Variants in ELOVL1 observed in about 807,000 individuals in gnomAD.
ELOVL1 encodes very long chain fatty acid elongase 1.
A neutral mutation model predicts 37.8 loss-of-function variants in ELOVL1; 10 were observed. The ratio of observed to expected loss-of-function variants is 0.26; its 90% CI spans 0.16 to 0.45. The LOEUF (loss-of-function observed/expected upper bound fraction) is 0.45. Among genes scored for constraint, ELOVL1 ranks in the 20% least tolerant of loss-of-function variants. The probability of loss-of-function intolerance (pLI) is 1.00; values close to 1 mark genes in which losing one functional copy is unlikely to be tolerated. For synonymous variants in ELOVL1, 133 were observed against 123.8 expected (o/e 1.07, Z -0.49); for missense variants, 256 against 352.7 (o/e 0.73, Z 2.20).
rs1236713886 is a variant in ELOVL1 at position 43,365,290 on chromosome 1, G to A, written c.133C>T (p.Leu45Phe). 6.2e-7 allele frequency: 1 copy of A among 1,614,028 alleles called. No homozygotes were observed. Among genetic ancestry groups the A allele is most frequent in the African/African-American group, 1.3e-5 (1 of 74,920 alleles). ...LLTYVYFVLS[L>F]GPRIMANRKP... is the part of the protein sequence containing the mutation. ...CGATTAGCCATGATGCGAGGCCCAA[G>A]TGAGAGAACGAAGTACACGTAGGTC... Residue 45 changes from leucine (L) to phenylalanine (F), a missense_variant, in exon 3 of 8, where the codon CTT (leucine) becomes TTT (phenylalanine). This residue lies in a region of ELOVL1 where 158 missense variants were observed against 189.4 expected (regional missense o/e 0.83). Coordinates refer to ENST00000372458, the MANE Select transcript of ELOVL1 (RefSeq NM_022821.4).
chr1:43,363,928 G>C lies in ELOVL1; in HGVS notation c.828C>G (p.Val276=), dbSNP rs1288480264. 3.1e-6 allele frequency: 5 copies of C among 1,613,198 alleles called. No individual in the cohort carries two copies. The highest frequency in any genetic ancestry group is 4.2e-6 in the Non-Finnish European group (5 of 1,180,052). The change falls in exon 8 of 8, where the codon GTC becomes GTG. Residue 276 remains valine (V), a synonymous_variant. Coordinates refer to ENST00000372458, the MANE Select transcript of ELOVL1 (RefSeq NM_022821.4). ...TAGGCCATGCTTCTCAGTTGGCCTT[G>C]ACCTTGGCAATACCTGGAGCTCCAT... ...QQNGAPGIAK[V]KAN is the part of the protein sequence containing the mutation.
At position 43,363,870 on chromosome 1, in the gene ELOVL1, T is replaced by C. The variant is rs1256800537; in HGVS notation, c.*46A>G. 2 of 1,551,654 alleles carry C rather than the reference T, an allele frequency of 1.3e-6. No individual in the cohort carries two copies. The highest frequency in any genetic ancestry group is 1.7e-5 in the Admixed American group (1 of 59,844). On this transcript the variant is annotated 3_prime_UTR_variant, in exon 8 of 8. Coordinates refer to ENST00000372458, the MANE Select transcript of ELOVL1 (RefSeq NM_022821.4). ...GGCACTGACGGACACTGCCCTAAGG[T>C]GCAGTCCTGAGGCACTTAGGTGGGC...
chr1:43,366,265 C>T (rs1372009390), intron 1 of ELOVL1: 2 of 155,312 alleles, frequency 1.3e-5, no homozygotes, highest in African/African-American at 4.8e-5. Context: ...CTGGGACTCT[C>T]ACCTCCAGCC....
rs1647190838 is a variant in ELOVL1, at chr1:43,363,957, G to T, written c.799C>A (p.Gln267Lys). 6.2e-7 allele frequency: 1 copy of T among 1,613,976 alleles called. No homozygotes were observed. The highest frequency in any genetic ancestry group is 8.5e-7 in the Non-Finnish European group (1 of 1,180,040). ...KGKRLPRALQ[Q>K]NGAPGIAKVK... ...TTGGCAATACCTGGAGCTCCATTTT[G>T]CTGAAGTGCACGGGGCAGCCGCTTG... Residue 267 changes from glutamine (Q) to lysine (K), a missense_variant, in exon 8 of 8, where the codon CAA becomes AAA. This residue lies in a region of ELOVL1 where 59 missense variants were observed against 73.3 expected (regional missense o/e 0.80). Transcript: ENST00000372458.
Position 43,364,029 on chromosome 1 carries a change from A to T in ELOVL1, c.727T>A (p.Phe243Ile), listed in dbSNP as rs1557476095. Reference sequence around the variant, plus strand: ...CAGAAGTTGGAGAACAGCATGAAGAAGATGGTGCCATACATCCAGATGAGG... The same window carrying T: ...CAGAAGTTGGAGAACAGCATGAAGATGATGGTGCCATACATCCAGATGAGG... ...IHLIWMYGTI[F>I]FMLFSNFWYH... The change falls in exon 8 of 8, where the codon TTC becomes ATC. Residue 243 changes from phenylalanine to isoleucine, a missense_variant. By Grantham distance (21) the Phe-to-Ile change is conservative. Coordinates refer to ENST00000372458, the MANE Select transcript of ELOVL1 (RefSeq NM_022821.4). This position sits in a 1 kb window ranked among gnomAD's most constrained non-coding sequence, Gnocchi z 5.2. The T allele has an allele frequency of 6.2e-7, 1 of 1,614,202 alleles. No homozygotes were observed.
At chr1:43,365,683 A>G in intron 1 of ELOVL1, 60 bp from the exon 2 acceptor site, 1 of 1,543,096 alleles carries the variant, frequency 6.5e-7, no homozygotes, top group African/African-American at 1.4e-5. Flanking sequence ...CATCCCACAG[A>G]GATAAGACAC....
Position 43,363,413 on chromosome 1 carries a change from T to G in ELOVL1, c.*503A>C, listed in dbSNP as rs1358935751. 2.1e-6 allele frequency: 1 copy of G among 472,070 alleles called. No homozygotes were observed. Among genetic ancestry groups the G allele is most frequent in the Non-Finnish European group, 3.7e-6 (1 of 267,292 alleles). 29.2% of individuals were successfully genotyped at this position (472,070 alleles called of 1,614,324 possible). ...CACACAGCCTCCGTGGTTTCCTCTGTCACTTTTAATTAAGACACAAGTTGA... is the reference window on the plus strand; with the variant it reads ...CACACAGCCTCCGTGGTTTCCTCTGGCACTTTTAATTAAGACACAAGTTGA... On this transcript the variant is annotated 3_prime_UTR_variant, in exon 8 of 8. Transcript: ENST00000372458.
rs1004189336 is a variant in ELOVL1, at chr1:43,364,823, C to T, written c.319-29G>A. On this transcript the variant is annotated intron_variant, in intron 4 of 7. Coordinates refer to ENST00000372458, the MANE Select transcript of ELOVL1 (RefSeq NM_022821.4). The surrounding 1 kb of genome is among the most constrained non-coding windows in gnomAD (Gnocchi z 5.2). Reference sequence around the variant, plus strand: ...CAAGAAGTTGGGATAGCCTTAGGACCTCATACACTATTCTAAGAGCCTCCC... The same window carrying T: ...CAAGAAGTTGGGATAGCCTTAGGACTTCATACACTATTCTAAGAGCCTCCC... The T allele has an allele frequency of 6.2e-7, 1 of 1,614,050 alleles. No individual in the cohort carries two copies. Among genetic ancestry groups the T allele is most frequent in the Admixed American group, 1.7e-5 (1 of 59,998 alleles).
rs1647194177 is a variant in ELOVL1, at chr1:43,364,193, A to G, written c.619-56T>C. 1 of 1,610,062 alleles carries G rather than the reference A, an allele frequency of 6.2e-7. No individual in the cohort carries two copies. Among genetic ancestry groups the G allele is most frequent in the South Asian group, 1.1e-5 (1 of 90,922 alleles). On this transcript the variant is annotated intron_variant, in intron 7 of 7. Coordinates refer to ENST00000372458, the MANE Select transcript of ELOVL1 (RefSeq NM_022821.4). The surrounding 1 kb of genome is among the most constrained non-coding windows in gnomAD (Gnocchi z 5.2). ...AATAGTGAGAGGACTAGAGGGGAAG[A>G]GGGGGTAGAGAAAGAGACAAACGTT...
In ELOVL1 at chr1:43,363,697, G is replaced by C. The variant is rs1418806197; in HGVS notation, c.*219C>G. 5 of 574,972 alleles carry C rather than the reference G, an allele frequency of 8.7e-6. No homozygotes were observed. Among genetic ancestry groups the C allele is most frequent in the Non-Finnish European group, 1.6e-5 (5 of 322,092 alleles). 35.6% of individuals were successfully genotyped at this position (574,972 alleles called of 1,614,324 possible). A position where few individuals can be genotyped will look rare whatever the true frequency, so the allele number is the denominator to read the frequency against. ...GCCCCCAGCTCTGGAGTGGCAGACA[G>C]CAATGAGGCCACATCCCTGGAGCTG... On this transcript the variant is annotated 3_prime_UTR_variant, in exon 8 of 8. Coordinates refer to ENST00000372458, the MANE Select transcript of ELOVL1 (RefSeq NM_022821.4).
Position 43,363,925 on chromosome 1 carries a change from C to T in ELOVL1, c.831G>A (p.Lys277=). The change falls in exon 8 of 8, where the codon AAG becomes AAA. Residue 277 remains lysine, a synonymous_variant. Coordinates refer to ENST00000372458, the MANE Select transcript of ELOVL1 (RefSeq NM_022821.4). The part of the protein sequence containing the change: ...QNGAPGIAKV[K]AN ...ATCTAGGCCATGCTTCTCAGTTGGC[C>T]TTGACCTTGGCAATACCTGGAGCTC... 1 of 1,613,224 alleles carries T rather than the reference C, an allele frequency of 6.2e-7. No homozygotes were observed. Among genetic ancestry groups the T allele is most frequent in the Non-Finnish European group, 8.5e-7 (1 of 1,180,034 alleles).
chr1:43,367,510 C>A (rs1272226681), intron 1 of ELOVL1: 1 of 152,454 alleles, frequency 6.6e-6, no homozygotes, highest in African/African-American at 2.4e-5. Context: ...GGGACCAAGG[C>A]TCCTGGGAGG....
chr1:43,364,931 A>G lies in ELOVL1; in HGVS notation c.315T>C (p.Leu105=). Residue 105 remains leucine, a synonymous_variant, in exon 4 of 8, where the codon CTT becomes CTC. Coordinates refer to ENST00000372458, the MANE Select transcript of ELOVL1 (RefSeq NM_022821.4). This position sits in a 1 kb window ranked among gnomAD's most constrained non-coding sequence, Gnocchi z 5.2. The stretch of plus-strand genomic sequence containing the variant: ...CCTAGCCCCAGCCCCTACTTACCCT[A>G]AGTGCCTCAGGGCTGTTGGAATAGT... ...PVDYSNSPEA[L]RMVRVAWLFL... 1 of 1,613,924 alleles carries G rather than the reference A, an allele frequency of 6.2e-7. No homozygotes were observed. Among genetic ancestry groups the G allele is most frequent in the South Asian group, 1.1e-5 (1 of 91,046 alleles).
chr1:43,367,094 C>T (rs1296037077), intron 1 of ELOVL1: 1 of 152,584 alleles, frequency 6.6e-6, no homozygotes, highest in African/African-American at 2.4e-5. Flanking sequence ...GGTCAGGCCC[C>T]AAGCCTGCGG....
chr1:43,365,831 G>A (rs553020635), intron 1 of ELOVL1, among the ~76,000 whole-genome samples: 15 of 152,046 alleles, frequency 9.9e-5, no homozygotes, highest in Non-Finnish European at 2.2e-4. Flanking sequence ...CCTGGGAAGA[G>A]CTGTTCCACC....
Position 43,364,959 on chromosome 1 carries a change from A to G in ELOVL1, c.287T>C (p.Val96Ala), listed in dbSNP as rs11558089. ...LSTYTWRCDP[V>A]DYSNSPEALR... ...TGCCTCAGGGCTGTTGGAATAGTCC[A>G]CAGGGTCACAGCGCCAGGTATAGGT... The change falls in exon 4 of 8, where the codon GTG (valine) becomes GCG (alanine). Residue 96 changes from valine to alanine, a missense_variant. By Grantham distance (64) the Val-to-Ala change is moderately conservative (BLOSUM62 0). Around this residue, in one of 3 missense-constraint regions of ELOVL1, gnomAD observed 158 missense variants for 189.4 expected, o/e 0.83. Coordinates refer to ENST00000372458, the MANE Select transcript of ELOVL1 (RefSeq NM_022821.4). The surrounding 1 kb of genome is among the most constrained non-coding windows in gnomAD (Gnocchi z 5.2). 1 of 1,614,012 alleles carries G rather than the reference A, an allele frequency of 6.2e-7. No homozygotes were observed. The highest frequency in any genetic ancestry group is 2.2e-5 in the East Asian group (1 of 44,874).
chr1:43,365,276 G>A lies in ELOVL1; in HGVS notation c.147C>T (p.Ile49=), dbSNP rs766301849. 3 of 1,614,050 alleles carry A rather than the reference G, an allele frequency of 1.9e-6. No individual in the cohort carries two copies. The highest frequency in any genetic ancestry group is 1.6e-4 in the Middle Eastern group (1 of 6,084). ...VYFVLSLGPR[I]MANRKPFQLR... is the part of the protein sequence containing the mutation. The stretch of plus-strand genomic sequence containing the variant: ...GCTGGAAGGGCTTCCGATTAGCCAT[G>A]ATGCGAGGCCCAAGTGAGAGAACGA... The change falls in exon 3 of 8, where the codon ATC becomes ATT. Residue 49 remains isoleucine, a synonymous_variant. Transcript: ENST00000372458.
intron 2 of ELOVL1, 32 bp from the exon 3 acceptor site, chr1:43,365,408 G>C (rs1281364493): frequency 6.2e-7 from 1 of 1,609,682 alleles, no homozygotes. Flanking sequence ...ATCAGGAAGA[G>C]TCACAGGGTT....
At position 43,363,467 on chromosome 1, in the gene ELOVL1, A is replaced by C; in HGVS notation, c.*449T>G. On this transcript the variant is annotated 3_prime_UTR_variant, in exon 8 of 8. Coordinates refer to ENST00000372458, the MANE Select transcript of ELOVL1 (RefSeq NM_022821.4). Reference sequence around the variant, plus strand: ...AGCAGCCTCCACAGGCTGTATTCCCAGGCCCCCGCCCACCCTGACCTTTGG... The same window carrying C: ...AGCAGCCTCCACAGGCTGTATTCCCCGGCCCCCGCCCACCCTGACCTTTGG... 2.5e-6 allele frequency: 1 copy of C among 395,950 alleles called. No homozygotes were observed. Among genetic ancestry groups the C allele is most frequent in the Non-Finnish European group, 4.6e-6 (1 of 219,002 alleles). The allele number at this position is 395,950 out of a possible 1,614,324, so 24.5% of individuals were successfully genotyped here. A position where few individuals can be genotyped will look rare whatever the true frequency, so the allele number is the denominator to read the frequency against.
Sources: gnomAD v4.1 joint callset for allele counts (sites outside exome capture counted in the v4.1 genomes callset) on GRCh38, gnomAD v4.1.1 for gene constraint, gnomAD v4.1.1 regional missense constraint, Gnocchi (gnomAD v3.1) non-coding constraint, MANE v1.5 for transcripts, NCBI Gene and HGNC (gene_info 2026-07-23, HGNC 2026-07-21) for gene names.